The following NT5DC4 variants were observed in gnomAD, a reference collection of about 807,000 sequenced individuals.
NT5DC4 encodes 5'-nucleotidase domain-containing protein 4.
In NT5DC4, 44 loss-of-function variants were observed where a neutral mutation model predicts 26.6. The observed-to-expected ratio is 1.65, with a 90% CI of 1.30 to 2.13. The LOEUF (loss-of-function observed/expected upper bound fraction) is 2.13. Among genes scored for constraint, NT5DC4 ranks in the 30% most tolerant of loss-of-function variants. The probability of loss-of-function intolerance (pLI) is 0.00; values close to 1 mark genes in which losing one functional copy is unlikely to be tolerated. For missense variants in NT5DC4, 399 were observed against 228.1 expected (o/e 1.75, Z -4.83); for synonymous variants, 157 against 86.7 (o/e 1.81, Z -4.51).
chr2:112,730,822 A>G (rs1174115628), intron 16 of NT5DC4, among the ~76,000 whole-genome samples: 1 of 152,124 alleles, frequency 6.6e-6, no homozygotes, highest in Non-Finnish European at 1.5e-5. Context: ...TGCCTAGGAG[A>G]AGCTCAAAAT....
chr2:112,721,601 C>T, intron 1 of NT5DC4: 4 of 717,402 alleles, frequency 5.6e-6, no homozygotes, highest in African/African-American at 1.7e-5. Context: ...CGCTTGCACA[C>T]ATGCTCACAC....
chr2:112,723,525 C>T, intron 8 of NT5DC4, 57 bp downstream of exon 8: 3 of 711,812 alleles, frequency 4.2e-6, no homozygotes, highest in Admixed American at 2.0e-5. Flanking sequence ...CAGGGCTGCC[C>T]CCGCAACCCT....
At chr2:112,727,927 C>T (rs971518453) in intron 15 of NT5DC4, among the ~76,000 whole-genome samples, 2 of 152,268 alleles carry the variant, frequency 1.3e-5, no homozygotes, top group Non-Finnish European at 2.9e-5. Flanking sequence ...CCTGCCTCGA[C>T]CTCCTGTACT....
downstream of NT5DC4, chr2:112,739,110 TTTTG>T: frequency 7.8e-7 from 1 of 1,287,438 alleles, no homozygotes; most frequent in Non-Finnish European, 1.1e-6. Context: ...CTTTATTATT[TTTTG>T]TTTCTTATTC....
intron 16 of NT5DC4, among the ~76,000 whole-genome samples, chr2:112,733,527 A>G (rs1413510870): frequency 6.6e-6 from 1 of 152,216 alleles, no homozygotes; most frequent in African/African-American, 2.4e-5. Context: ...CAGGAGGGGC[A>G]TACCTTCCCG....
rs1470207977 is a variant in NT5DC4 at position 112,723,424 on chromosome 2, C to G, written c.628C>G (p.Leu210Val). The change falls in exon 8 of 17, where the codon CTC (leucine) becomes GTC (valine). Residue 210 changes from leucine to valine, a missense_variant. Transcript: ENST00000688554. ...ACTTTGCTCCCTCCTGCAGGGCTGT[C>G]TCAAGAAGACCCTGGAGGACTTGGA... Reference protein sequence around the residue: ...AMNNIHQSGCLKKTLEDLEKY... With the variant: ...AMNNIHQSGCVKKTLEDLEKY... 2.8e-6 allele frequency: 2 copies of G among 715,028 alleles called. No homozygotes were observed. The highest frequency in any genetic ancestry group is 5.2e-6 in the Non-Finnish European group (2 of 384,506). The allele number at this position is 715,028 out of a possible 1,614,324, so 44.3% of individuals were successfully genotyped here.
downstream of NT5DC4, among the ~76,000 whole-genome samples, chr2:112,741,295 T>A (rs1679945841): frequency 6.6e-6 from 1 of 152,020 alleles, no homozygotes; most frequent in Non-Finnish European, 1.5e-5. Flanking sequence ...CAGTCTCCTA[T>A]TCACTCTCAA....
chr2:112,742,666 C>T, downstream of NT5DC4: 1 of 1,260,392 alleles, frequency 7.9e-7, no homozygotes, highest in Non-Finnish European at 1.1e-6. Flanking sequence ...TTTACTGGTA[C>T]AGCTAGAGAA....
At chr2:112,730,728 GTGTT>G (rs1558738960) in intron 16 of NT5DC4, among the ~76,000 whole-genome samples, 1 of 152,182 alleles carries the variant, frequency 6.6e-6, no homozygotes, top group Non-Finnish European at 1.5e-5. Context: ...ACCAGGCACA[GTGTT>G]TGTTCTTTCA....
downstream of NT5DC4, chr2:112,739,174 G>T (rs1184620728): frequency 1.4e-6 from 1 of 730,602 alleles, no homozygotes; most frequent in Non-Finnish European, 2.2e-6. Flanking sequence ...CAAGAGATAT[G>T]TCTAGAGCAG....
At chr2:112,737,819 T>A (rs1424861593) in intron 16 of NT5DC4, 2 of 152,202 alleles carry the variant, frequency 1.3e-5, no homozygotes, top group Non-Finnish European at 2.9e-5. Flanking sequence ...CCTAATTCTC[T>A]ATGCAAAGCC....
At chr2:112,739,705 A>C (rs182364683), downstream of NT5DC4, among the ~76,000 whole-genome samples, 2 of 152,324 alleles carry the variant, frequency 1.3e-5, no homozygotes, top group South Asian at 4.1e-4. Context: ...CCCAGGCTAG[A>C]GTCCAGTGGT....
intron 16 of NT5DC4, among the ~76,000 whole-genome samples, chr2:112,731,945 CAG>C (rs1307436091): frequency 1.7e-5 from 2 of 119,164 alleles, no homozygotes; most frequent in Admixed American, 1.0e-4. Flanking sequence ...TTTTTTGAGA[CAG>C]AGTCTCATTC....
intron 9 of NT5DC4, 27 bp from the exon 10 acceptor site, chr2:112,724,067 G>A (rs1481777474): frequency 1.4e-6 from 1 of 716,946 alleles, no homozygotes; most frequent in African/African-American, 1.7e-5. Flanking sequence ...CAAGCTTGGT[G>A]CCCTGACGCT....
rs1479188638 is a variant in NT5DC4, at chr2:112,729,703, G to C, written c.1343G>C (p.Arg448Thr). 2.8e-6 allele frequency: 2 copies of C among 717,830 alleles called. No individual in the cohort carries two copies. Among genetic ancestry groups the C allele is most frequent in the Non-Finnish European group, 5.2e-6 (2 of 385,156 alleles). The allele number at this position is 717,830 out of a possible 1,614,324, so 44.5% of individuals were successfully genotyped here. Residue 448 changes from arginine to threonine, a missense_variant and splice_region_variant, in exon 16 of 17, where the codon AGG becomes ACG. Transcript: ENST00000688554. ...TCCTGCCTCCTCTCCTGCAACCAGA[G>C]GGTGAGTGGCTGTGGCCGACGAACT... Reference protein sequence around the residue: ...PASCLLSCNQRFIKRSHY With the variant: ...PASCLLSCNQTFIKRSHY
chr2:112,724,657 G>A, intron 10 of NT5DC4, 124 bp from the exon 11 acceptor site: 1 of 646,068 alleles, frequency 1.5e-6, no homozygotes, highest in South Asian at 1.7e-5. Flanking sequence ...GGGTTCCCAG[G>A]GGCTGAAGAG....
At chr2:112,734,289 C>A (rs1191949406) in intron 16 of NT5DC4, among the ~76,000 whole-genome samples, 2 of 151,010 alleles carry the variant, frequency 1.3e-5, no homozygotes, top group Admixed American at 1.3e-4. Context: ...GTTCATATAA[C>A]TAAAAAGTCC....
At chr2:112,723,361 G>GCACA (rs36112869) in intron 7 of NT5DC4, 57 bp from the exon 8 acceptor site, 63,251 of 622,758 alleles carry the variant, frequency 0.1, 534 homozygotes, top group Non-Finnish European at 0.13. Flanking sequence ...GGGTACACAT[G>GCACA]CACACACACA....
chr2:112,720,333 G>A (rs1175342930), upstream of NT5DC4, among the ~76,000 whole-genome samples: 1 of 151,892 alleles, frequency 6.6e-6, no homozygotes, highest in African/African-American at 2.4e-5. Flanking sequence ...CAAAGTGCTG[G>A]GATTACAGGC....
Sources: allele counts gnomAD v4.1 joint callset (sites outside exome capture counted in the v4.1 genomes callset), GRCh38; gene constraint gnomAD v4.1.1; transcripts MANE v1.5; gene names NCBI Gene and HGNC (gene_info 2026-07-23, HGNC 2026-07-21).